Variants in TMEM242 observed in about 807,000 individuals in gnomAD.
TMEM242 encodes transmembrane protein 242, also known as UPF0463 transmembrane protein C6orf35.
Under a neutral mutation model 18.2 loss-of-function variants are expected in TMEM242, and 10 were observed. The observed-to-expected ratio is 0.55, with a 90% CI of 0.34 to 0.93. The LOEUF is 0.93. TMEM242 is among the 40% of genes least tolerant of loss of function. TMEM242 has a pLI of 0.02. For synonymous variants in TMEM242, 57 were observed against 69.9 expected, an observed-to-expected ratio of 0.81 and a Z score of 0.92; for missense variants, 186 against 175.5, an observed-to-expected ratio of 1.06 and a Z score of -0.34.
intron 3 of TMEM242, among the ~76,000 whole-genome samples, chr6:157,296,475 C>T (rs1372191419): frequency 3.3e-5 from 5 of 152,122 alleles, no homozygotes; most frequent in Admixed American, 2.0e-4. Flanking sequence ...TCACTTGAGG[C>T]CAGGAATTCG....
chr6:157,312,215 C>A (rs1251827322), intron 3 of TMEM242, among the ~76,000 whole-genome samples: 3 of 149,674 alleles, frequency 2.0e-5, no homozygotes, highest in Non-Finnish European at 4.4e-5. Flanking sequence ...GAGCTAGCGT[C>A]ATCATAGTGC....
chr6:157,312,631 A>T (rs1326414429), intron 3 of TMEM242, among the ~76,000 whole-genome samples: 2 of 150,752 alleles, frequency 1.3e-5, no homozygotes, highest in Non-Finnish European at 2.9e-5. Flanking sequence ...ATAGTGTCGC[A>T]GTGTGCACTC....
At chr6:157,319,914 A>G (rs1778465376) in intron 2 of TMEM242, among the ~76,000 whole-genome samples, 1 of 152,222 alleles carries the variant, frequency 6.6e-6, no homozygotes, top group Admixed American at 6.5e-5. Flanking sequence ...GGGACCACAC[A>G]TAACGGTGCT....
intron 3 of TMEM242, chr6:157,318,568 T>C: frequency 1.8e-6 from 1 of 545,258 alleles, no homozygotes; most frequent in South Asian, 2.9e-5. Flanking sequence ...AGTCATTACT[T>C]AATTATATTT....
chr6:157,320,808 A>G (rs1421099939), intron 2 of TMEM242, among the ~76,000 whole-genome samples: 3 of 152,172 alleles, frequency 2.0e-5, no homozygotes, highest in Non-Finnish European at 2.9e-5. Flanking sequence ...ATAAATACTG[A>G]CAATTGTTTG....
At position 157,311,070 on chromosome 6, in the gene TMEM242, C is replaced by T. The variant is rs797030053; in HGVS notation, c.327+7712G>A. Among the ~76,000 whole-genome samples the T allele has an allele frequency of 7.9e-3, 787 of 99,308 alleles. 2 individuals are homozygous for T. The highest frequency in any genetic ancestry group is 0.035 in the East Asian group (70 of 2,010). 65.1% of individuals were successfully genotyped at this position (99,308 alleles called of 152,430 possible). A position where few individuals can be genotyped will look rare whatever the true frequency, so the allele number is the denominator to read the frequency against. On this transcript the variant is annotated intron_variant, in intron 3 of 3. Transcript: ENST00000400788. ...CGCTCACCTAACCCCATCATAGTGC[C>T]CCAGTGTGCTCACACCTAGCCACAT...
At chr6:157,300,014 C>G in intron 3 of TMEM242, 5 of 1,178,930 alleles carry the variant, frequency 4.2e-6, no homozygotes, top group Non-Finnish European at 6.4e-6. Flanking sequence ...GGTGAAGAGC[C>G]AGGCGCCCTT....
At chr6:157,323,368 G>A in intron 1 of TMEM242, 44 bp downstream of exon 1, 1 of 1,601,204 alleles carries the variant, frequency 6.2e-7, no homozygotes, top group Non-Finnish European at 8.6e-7. Flanking sequence ...AGGGTCCGGG[G>A]TTAACTCACC....
intron 3 of TMEM242, among the ~76,000 whole-genome samples, chr6:157,307,480 C>G (rs145265965): frequency 0.033 from 4,995 of 152,180 alleles, 261 homozygotes; most frequent in African/African-American, 0.11. Flanking sequence ...AGCGGATTCC[C>G]CTGCTTGACT....
intron 3 of TMEM242, among the ~76,000 whole-genome samples, chr6:157,313,716 CCCG>C (rs1778299204): frequency 7.9e-5 from 5 of 63,268 alleles, no homozygotes; most frequent in Admixed American, 1.5e-4. Flanking sequence ...TCATAGTGTC[CCCG>C]TGTGTGCTCA....
At chr6:157,310,884 G>C (rs797039492) in intron 3 of TMEM242, among the ~76,000 whole-genome samples, 1 of 29,726 alleles carries the variant, frequency 3.4e-5, no homozygotes, top group African/African-American at 1.2e-4. Flanking sequence ...GCCCCAGTGT[G>C]CACTCACCTA....
At chr6:157,312,684 T>A (rs797042646) in intron 3 of TMEM242, among the ~76,000 whole-genome samples, 8 of 87,776 alleles carry the variant, frequency 9.1e-5, no homozygotes, top group Non-Finnish European at 1.5e-4. Context: ...TCACCTAGCC[T>A]CATCATAGTG....
At chr6:157,316,422 G>C (rs1053043233) in intron 3 of TMEM242, among the ~76,000 whole-genome samples, 24 of 152,174 alleles carry the variant, frequency 1.6e-4, no homozygotes, top group Non-Finnish European at 2.6e-4. Flanking sequence ...AATGTCTGTA[G>C]AATGCCTAAA....
chr6:157,312,208 C>G (rs1778164449), intron 3 of TMEM242, among the ~76,000 whole-genome samples: 1 of 142,498 alleles, frequency 7.0e-6, no homozygotes, highest in East Asian at 2.3e-4. Context: ...GTGCACTGAG[C>G]TAGCGTCATC....
At chr6:157,312,203 CTGAGCTAGCG>C (rs1562384370) in intron 3 of TMEM242, among the ~76,000 whole-genome samples, 2 of 148,338 alleles carry the variant, frequency 1.3e-5, no homozygotes, top group African/African-American at 2.5e-5. Flanking sequence ...CCAGTGTGCA[CTGAGCTAGCG>C]TCATCATAGT....
At chr6:157,308,038 C>A (rs973019532) in intron 3 of TMEM242, among the ~76,000 whole-genome samples, 2 of 152,190 alleles carry the variant, frequency 1.3e-5, no homozygotes, top group African/African-American at 4.8e-5. Context: ...TGCCATTAAA[C>A]AATTGGCCAG....
At chr6:157,319,721 G>A (rs1217386113) in intron 2 of TMEM242, among the ~76,000 whole-genome samples, 2 of 152,170 alleles carry the variant, frequency 1.3e-5, no homozygotes, top group African/African-American at 4.8e-5. Context: ...AATGTCCTCT[G>A]GGGTTGCAAT....
intron 3 of TMEM242, among the ~76,000 whole-genome samples, chr6:157,307,161 G>C (rs1321359600): frequency 6.6e-6 from 1 of 152,204 alleles, no homozygotes; most frequent in African/African-American, 2.4e-5. Context: ...AGTCCACAAT[G>C]CTTTATTTAG....
intron 3 of TMEM242, among the ~76,000 whole-genome samples, chr6:157,317,301 A>G (rs1219224600): frequency 6.6e-6 from 1 of 152,152 alleles, no homozygotes; most frequent in Non-Finnish European, 1.5e-5. Flanking sequence ...TGGCTGTCAC[A>G]CTGCCAAACC....
Sources: gnomAD v4.1 joint callset for allele counts (sites outside exome capture counted in the v4.1 genomes callset) on GRCh38, gnomAD v4.1.1 for gene constraint, MANE v1.5 for transcripts, NCBI Gene and HGNC (gene_info 2026-07-23, HGNC 2026-07-21) for gene names.